Variants in PRICKLE2 observed in about 807,000 individuals in gnomAD.
The protein encoded by PRICKLE2 is prickle planar cell polarity protein 2.
Under a neutral mutation model 81.4 loss-of-function variants are expected in PRICKLE2, and 21 were observed. That is an observed-to-expected ratio of 0.26 (90% CI 0.18 to 0.37). The LOEUF (loss-of-function observed/expected upper bound fraction) is 0.37, where lower values mean the gene tolerates loss of function less well. Ranked by LOEUF, PRICKLE2 falls within the 10% of genes least tolerant of loss-of-function variation. The probability of loss-of-function intolerance (pLI) is 1.00; values close to 1 mark genes in which losing one functional copy is unlikely to be tolerated. For synonymous variants in PRICKLE2, 456 were observed against 421.5 expected (o/e 1.08, Z -1.00); for missense variants, 940 against 1,109.0 (o/e 0.85, Z 2.16).
At chr3:64,110,578 T>G in intron 7 of PRICKLE2, among the ~76,000 whole-genome samples, 1 of 152,154 alleles carries the variant, frequency 6.6e-6, no homozygotes, top group Non-Finnish European at 1.5e-5. Flanking sequence ...TGGACCTACT[T>G]TGAGTGCTGG....
chr3:64,262,615 C>A (rs1476107479), intron 2 of PRICKLE2, among the ~76,000 whole-genome samples: 3 of 150,258 alleles, frequency 2.0e-5, no homozygotes. Flanking sequence ...GAGGCAGGAG[C>A]GGCTGACCTA....
chr3:64,179,969 A>G (rs1320872300), intron 2 of PRICKLE2, among the ~76,000 whole-genome samples: 1 of 152,194 alleles, frequency 6.6e-6, no homozygotes, highest in Non-Finnish European at 1.5e-5. Flanking sequence ...CAGTGTAGTC[A>G]CAGTTCATTC....
At chr3:64,177,822 T>C (rs1004723926) in intron 2 of PRICKLE2, among the ~76,000 whole-genome samples, 2 of 152,216 alleles carry the variant, frequency 1.3e-5, no homozygotes, top group Non-Finnish European at 2.9e-5. Context: ...GGAATTTGGG[T>C]TGTTTTTACC....
At chr3:64,255,260 T>C (rs1030560418) in intron 2 of PRICKLE2, among the ~76,000 whole-genome samples, 2 of 152,246 alleles carry the variant, frequency 1.3e-5, no homozygotes, top group Non-Finnish European at 2.9e-5. Context: ...AACTTACTTC[T>C]TGTTCCATGT....
intron 2 of PRICKLE2, among the ~76,000 whole-genome samples, chr3:64,257,377 G>A (rs1248724505): frequency 6.6e-6 from 1 of 152,180 alleles, no homozygotes; most frequent in Non-Finnish European, 1.5e-5. Context: ...CTGGGGATGG[G>A]AGTATGAAAG....
intron 7 of PRICKLE2, among the ~76,000 whole-genome samples, chr3:64,110,471 G>A (rs1277004605): frequency 6.6e-6 from 1 of 152,140 alleles, no homozygotes; most frequent in African/African-American, 2.4e-5. Flanking sequence ...CCTAGTGCAG[G>A]GAGAACAGAT....
chr3:64,220,081 C>T (rs2078928407), intron 1 of PRICKLE2, among the ~76,000 whole-genome samples: 1 of 152,136 alleles, frequency 6.6e-6, no homozygotes, highest in African/African-American at 2.4e-5. Flanking sequence ...ACATACATTG[C>T]CTTCTATATT....
chr3:64,243,587 T>A (rs2079301181), intron 2 of PRICKLE2, among the ~76,000 whole-genome samples: 1 of 152,198 alleles, frequency 6.6e-6, no homozygotes, highest in Non-Finnish European at 1.5e-5. Flanking sequence ...ACTAGCTGTG[T>A]GAATTATTCA....
chr3:64,266,516 G>A (rs1482403164), intron 2 of PRICKLE2, among the ~76,000 whole-genome samples: 1 of 152,136 alleles, frequency 6.6e-6, no homozygotes, highest in African/African-American at 2.4e-5. Context: ...GGCCCCATGG[G>A]AAGATGCTTT....
intron 7 of PRICKLE2, among the ~76,000 whole-genome samples, chr3:64,143,890 A>T (rs2077402671): frequency 6.6e-6 from 1 of 151,366 alleles, no homozygotes; most frequent in Non-Finnish European, 1.5e-5. Context: ...GGCAGTCATC[A>T]CTCTGCACTA....
At position 64,094,083 on chromosome 3, in the gene PRICKLE2, G is replaced by C. The variant is rs535466097; in HGVS notation, c.*4968C>G. On this transcript the variant is annotated 3_prime_UTR_variant, in exon 8 of 8. Transcript: ENST00000638394. ...CCTGCCTCACCTTCCCAGGCCCTTT[G>C]AGGTTTTGTTTATGCACTTGAAATG... is the stretch of plus-strand genomic sequence containing the variant. 6 of 152,642 alleles carry C rather than the reference G, an allele frequency of 3.9e-5. No homozygotes were observed. The highest frequency in any genetic ancestry group is 1.4e-4 in the African/African-American group (6 of 41,534). 9.5% of individuals were successfully genotyped at this position (152,642 alleles called of 1,614,324 possible).
intron 2 of PRICKLE2, among the ~76,000 whole-genome samples, chr3:64,195,956 A>C (rs1016499437): frequency 1.3e-5 from 2 of 152,214 alleles, no homozygotes; most frequent in Non-Finnish European, 2.9e-5. Context: ...GAATTATTAG[A>C]GATAGGACTA....
rs1187232468 is a variant in PRICKLE2, at chr3:64,125,521, C to T, written c.1660+21309G>A. ...TTGGAAATTGCCACAGCCAAGCCAA[C>T]CTTCAGCAACCACTACTCTGATCAG... On this transcript the variant is annotated intron_variant, in intron 7 of 7. Coordinates refer to ENST00000638394, the MANE Select transcript of PRICKLE2 (RefSeq NM_198859.4). Among the ~76,000 whole-genome samples the T allele has an allele frequency of 2.6e-5, 4 of 152,344 alleles. No individual in the cohort carries two copies. The East Asian group carries it at 7.7e-4, about 29-fold the overall frequency.
intron 2 of PRICKLE2, among the ~76,000 whole-genome samples, chr3:64,246,091 A>G (rs1343056138): frequency 6.6e-6 from 1 of 151,998 alleles, no homozygotes; most frequent in Non-Finnish European, 1.5e-5. Flanking sequence ...AAAACACAAA[A>G]ATTAGTCCGG....
Position 64,157,279 on chromosome 3 carries a change from T to A in PRICKLE2, c.483A>T (p.Val161=), listed in dbSNP as rs771805969. ...CCAGGAGCTCATTGCAGACAGTGCA[T>A]ACGAAGCACGGCGGGTGCCAGCAAA... The part of the protein sequence containing the change: ...HGVCWHPPCF[V]CTVCNELLVD... Residue 161 remains valine (V), a synonymous_variant, in exon 5 of 8, where the codon GTA becomes GTT. Coordinates refer to ENST00000638394, the MANE Select transcript of PRICKLE2 (RefSeq NM_198859.4). 1 of 1,614,188 alleles carries A rather than the reference T, an allele frequency of 6.2e-7. No homozygotes were observed. The highest frequency in any genetic ancestry group is 1.1e-5 in the South Asian group (1 of 91,088).
At chr3:64,109,749 T>C (rs1385060758) in intron 7 of PRICKLE2, among the ~76,000 whole-genome samples, 1 of 152,210 alleles carries the variant, frequency 6.6e-6, no homozygotes, top group Non-Finnish European at 1.5e-5. Context: ...TGGACTGATC[T>C]TGGTTTTCCC....
At chr3:64,124,145 G>A (rs1161652443) in intron 7 of PRICKLE2, among the ~76,000 whole-genome samples, 1 of 152,220 alleles carries the variant, frequency 6.6e-6, no homozygotes, top group East Asian at 1.9e-4. Flanking sequence ...GAAAGTTTAA[G>A]TGGGCTGGAC....
chr3:64,232,892 A>C (rs914909873), intron 2 of PRICKLE2, among the ~76,000 whole-genome samples: 2 of 152,288 alleles, frequency 1.3e-5, no homozygotes, highest in Middle Eastern at 3.4e-3. Flanking sequence ...CTGACATCTA[A>C]TCCAGAGGAG....
At chr3:64,216,921 G>A (rs2078881171) in intron 1 of PRICKLE2, among the ~76,000 whole-genome samples, 1 of 152,320 alleles carries the variant, frequency 6.6e-6, no homozygotes, top group East Asian at 1.9e-4. Flanking sequence ...CAAGCTTCTA[G>A]TCTTGACAGG....
Sources: gnomAD v4.1 joint callset for allele counts (sites outside exome capture counted in the v4.1 genomes callset) on GRCh38, gnomAD v4.1.1 for gene constraint, MANE v1.5 for transcripts, NCBI Gene and HGNC (gene_info 2026-07-23, HGNC 2026-07-21) for gene names.